VEZT: variants seen among roughly 807,000 people sequenced by gnomAD.
The protein encoded by VEZT is vezatin.
VEZT carries 39 observed loss-of-function variants against 79.9 expected under a neutral mutation model. That is an observed-to-expected ratio of 0.49 (90% confidence interval 0.38 to 0.64). The LOEUF (loss-of-function observed/expected upper bound fraction) is 0.64, where lower values mean the gene tolerates loss of function less well. Among genes scored for constraint, VEZT ranks in the 30% least tolerant of loss-of-function variants. The pLI is 0.00. For missense variants in VEZT, 837 were observed against 893.1 expected, an observed-to-expected ratio of 0.94 and a Z score of 0.80; for synonymous variants, 325 against 327.6, an observed-to-expected ratio of 0.99 and a Z score of 0.09.
chr12:95,228,148 G>A (rs1054899439), intron 1 of VEZT, among the ~76,000 whole-genome samples: 49 of 151,890 alleles, frequency 3.2e-4, no homozygotes, highest in African/African-American at 8.7e-4. Flanking sequence ...TTAACCCTTT[G>A]TTGGCAGTAT....
chr12:95,292,847 CTTTTTTT>C (rs1204643991), intron 9 of VEZT, among the ~76,000 whole-genome samples: 6 of 96,480 alleles, frequency 6.2e-5, no homozygotes, highest in Non-Finnish European at 1.2e-4. Context: ...GTACCTGGCC[CTTTTTTT>C]TTTTTTTTTT....
intron 2 of VEZT, among the ~76,000 whole-genome samples, chr12:95,254,339 C>CTTTTTTTT (rs34968028): frequency 8.6e-5 from 6 of 69,418 alleles, no homozygotes; most frequent in Non-Finnish European, 1.3e-4. Flanking sequence ...AAACGAAGTT[C>CTTTTTTTT]TTTTTTTTTT....
At chr12:95,293,001 C>T (rs1457482053) in intron 9 of VEZT, among the ~76,000 whole-genome samples, 2 of 151,966 alleles carry the variant, frequency 1.3e-5, no homozygotes, top group Non-Finnish European at 2.9e-5. Flanking sequence ...CAGGTACATA[C>T]CACCATGCCT....
rs140816373 is a variant in VEZT, at chr12:95,286,554, C to A, written c.1329-1110C>A. 2.2e-3 allele frequency: 1,110 copies of A among 501,208 alleles called. 15 individuals carry two copies. The highest frequency in any genetic ancestry group is 0.021 in the African/African-American group (1,031 of 50,060). The allele number at this position is 501,208 out of a possible 1,614,324, so 31.0% of individuals were successfully genotyped here. ...TTCTTTGATTTGCTGTCATCAGATT[C>A]ACTGCCAGATAAAGGTTTTCTTTTT... On this transcript the variant is annotated intron_variant, in intron 8 of 11. Coordinates refer to ENST00000436874, the MANE Select transcript of VEZT (RefSeq NM_017599.4).
At chr12:95,279,157 G>T (rs2068448993) in intron 7 of VEZT, among the ~76,000 whole-genome samples, 1 of 152,160 alleles carries the variant, frequency 6.6e-6, no homozygotes, top group African/African-American at 2.4e-5. Context: ...GATTTTTTCA[G>T]ATTTTGGAAT....
At chr12:95,271,554 T>A (rs1464289361) in intron 6 of VEZT, among the ~76,000 whole-genome samples, 2 of 152,142 alleles carry the variant, frequency 1.3e-5, no homozygotes, top group African/African-American at 4.8e-5. Flanking sequence ...GCATTCCAGA[T>A]AGAAGGAAGC....
chr12:95,237,780 G>C (rs10859857), intron 1 of VEZT, among the ~76,000 whole-genome samples: 60,835 of 151,902 alleles, frequency 0.4, 12,598 homozygotes, highest in African/African-American at 0.49. Flanking sequence ...TTGACTTCTT[G>C]CCATTTGCTA....
intron 1 of VEZT, chr12:95,231,319 G>C (rs1394173959): frequency 6.6e-6 from 1 of 152,152 alleles, no homozygotes; most frequent in African/African-American, 2.4e-5. Flanking sequence ...TAACAGCACT[G>C]AAGAAATAAT....
intron 7 of VEZT, among the ~76,000 whole-genome samples, chr12:95,276,545 C>T (rs1322210939): frequency 6.6e-6 from 1 of 152,130 alleles, no homozygotes; most frequent in African/African-American, 2.4e-5. Context: ...GTTGGGATAA[C>T]AGGCATGAGC....
At chr12:95,259,225 A>G (rs1305999850) in intron 3 of VEZT, among the ~76,000 whole-genome samples, 1 of 149,056 alleles carries the variant, frequency 6.7e-6, no homozygotes, top group East Asian at 2.0e-4. Flanking sequence ...AATCTTTTCA[A>G]TAAGCACTCC....
At chr12:95,278,267 TC>T (rs2068208529) in intron 7 of VEZT, among the ~76,000 whole-genome samples, 1 of 152,230 alleles carries the variant, frequency 6.6e-6, no homozygotes, top group Non-Finnish European at 1.5e-5. Flanking sequence ...TGTTGCTGTA[TC>T]CCCATCCTAC....
At chr12:95,291,163 C>T (rs911832666) in intron 9 of VEZT, among the ~76,000 whole-genome samples, 4 of 152,074 alleles carry the variant, frequency 2.6e-5, no homozygotes, top group African/African-American at 9.7e-5. Context: ...CCCAGGAGGT[C>T]GAGGCTTCAG....
intron 11 of VEZT, 168 bp downstream of exon 11, chr12:95,296,426 T>A (rs2074149476): frequency 6.0e-6 from 3 of 496,706 alleles, no homozygotes; most frequent in Non-Finnish European, 6.7e-6. Flanking sequence ...AATAAAAGAG[T>A]AGGAATGTAA....
chr12:95,259,989 C>T (rs912566536), intron 3 of VEZT, among the ~76,000 whole-genome samples: 17 of 151,696 alleles, frequency 1.1e-4, no homozygotes, highest in African/African-American at 2.9e-4. Context: ...TTTTCCTCTA[C>T]GTGAGGCAAT....
chr12:95,277,456 C>A (rs948583984), intron 7 of VEZT, among the ~76,000 whole-genome samples: 2 of 150,354 alleles, frequency 1.3e-5, no homozygotes, highest in African/African-American at 2.4e-5. Flanking sequence ...ATGTCCACAA[C>A]CCTGTTTAAA....
At chr12:95,270,476 T>C (rs1288978950) in intron 6 of VEZT, among the ~76,000 whole-genome samples, 1 of 152,228 alleles carries the variant, frequency 6.6e-6, no homozygotes, top group Non-Finnish European at 1.5e-5. Context: ...CTGGCTTTGC[T>C]AGGTCTGACA....
chr12:95,296,350 G>A, intron 11 of VEZT, 92 bp downstream of exon 11: 1 of 1,318,314 alleles, frequency 7.6e-7, no homozygotes. Flanking sequence ...AAGAATTCTT[G>A]GGGTTTTATA....
chr12:95,228,274 G>A (rs748555482), intron 1 of VEZT, among the ~76,000 whole-genome samples: 29 of 152,174 alleles, frequency 1.9e-4, no homozygotes, highest in Non-Finnish European at 3.7e-4. Flanking sequence ...TCTTCCTCGA[G>A]AGATTCCCTT....
In VEZT at chr12:95,301,728, T is replaced by A. The variant is rs937916430; in HGVS notation, c.*1055T>A. The A allele has an allele frequency of 1.3e-5, 2 of 152,198 alleles. No homozygotes were observed. The highest frequency in any genetic ancestry group is 4.8e-5 in the African/African-American group (2 of 41,458). The allele number at this position is 152,198 out of a possible 1,614,324, so 9.4% of individuals were successfully genotyped here. A position where few individuals can be genotyped will look rare whatever the true frequency, so the allele number is the denominator to read the frequency against. On this transcript the variant is annotated 3_prime_UTR_variant, in exon 12 of 12. Transcript: ENST00000436874. The stretch of plus-strand genomic sequence containing the variant: ...AATAACATAGTTCTATAGACATTAT[T>A]TGGGGGAAATGTAGTAATAACTCAA...
Sources: allele counts gnomAD v4.1 joint callset (sites outside exome capture counted in the v4.1 genomes callset), GRCh38; gene constraint gnomAD v4.1.1; transcripts MANE v1.5; gene names NCBI Gene and HGNC (gene_info 2026-07-23, HGNC 2026-07-21).